PPM1G: variants seen among roughly 807,000 people sequenced by gnomAD.
PPM1G encodes protein phosphatase 1G.
PPM1G carries 12 observed loss-of-function variants against 59.4 expected under a neutral mutation model. The ratio of observed to expected loss-of-function variants is 0.20; its 90% confidence interval spans 0.13 to 0.33. The LOEUF (loss-of-function observed/expected upper bound fraction) is 0.33, where lower values mean the gene tolerates loss of function less well. Ranked by LOEUF, PPM1G falls within the 10% of genes least tolerant of loss-of-function variation. The pLI, the probability that PPM1G is intolerant of heterozygous loss-of-function variation, is 1.00. For synonymous variants in PPM1G, 245 were observed against 251.9 expected (o/e 0.97, Z 0.26); for missense variants, 392 against 681.3 (o/e 0.58, Z 4.73).
chr2:27,384,188 G>A lies in PPM1G; in HGVS notation c.826-96C>T. 1 of 1,564,806 alleles carries A rather than the reference G, an allele frequency of 6.4e-7. No individual in the cohort carries two copies. ...ATCAAGAGGTCCTGACTGAACACAG[G>A]TCCTCAAAACACTGAAAGATACAAG... On this transcript the variant is annotated intron_variant, in intron 5 of 9. Transcript: ENST00000344034. The surrounding 1 kb of genome is among the most constrained non-coding windows in gnomAD (Gnocchi z 4.8).
intron 1 of PPM1G, among the ~76,000 whole-genome samples, chr2:27,408,256 A>C (rs144367232): frequency 6.6e-6 from 1 of 152,342 alleles, no homozygotes; most frequent in African/African-American, 2.4e-5. Flanking sequence ...CAAGGGAGAC[A>C]GTATTTCGCT....
intron 1 of PPM1G, among the ~76,000 whole-genome samples, chr2:27,401,118 T>C (rs1418297227): frequency 6.6e-6 from 1 of 152,212 alleles, no homozygotes; most frequent in African/African-American, 2.4e-5. Flanking sequence ...AAATAAAACC[T>C]GCAAGGCACT....
In PPM1G at chr2:27,382,675, C is replaced by T. The variant is rs1054259981; in HGVS notation, c.1202-70G>A. ...AGACTTGTGTTTGTGGCAGGTCAAA[C>T]CTTGCCATTCATTTCCCTTCTTTAC... On this transcript the variant is annotated intron_variant, in intron 7 of 9. Transcript: ENST00000344034. The surrounding 1 kb of genome is among the most constrained non-coding windows in gnomAD (Gnocchi z 4.2). 8 of 1,566,932 alleles carry T rather than the reference C, an allele frequency of 5.1e-6. No homozygotes were observed. In the African/African-American group the frequency reaches 1.1e-4, roughly 21 times the overall value.
At chr2:27,392,998 T>G in intron 1 of PPM1G, 1 of 1,522,118 alleles carries the variant, frequency 6.6e-7, no homozygotes, top group Non-Finnish European at 9.0e-7. Context: ...CAGTAGTGAC[T>G]GATTCACATT....
rs201729067 is a variant in PPM1G, at chr2:27,385,904, G to A, written c.277-25C>T. 5.0e-6 allele frequency: 8 copies of A among 1,603,592 alleles called. No individual in the cohort carries two copies. Among genetic ancestry groups the A allele is most frequent in the Non-Finnish European group, 6.8e-6 (8 of 1,177,140 alleles). ...CCTGAATATAAGCAAAATAGTCTAA[G>A]ACTAGTACAAAATGAACTCCCTATA... On this transcript the variant is annotated intron_variant, in intron 3 of 9. Coordinates refer to ENST00000344034, the MANE Select transcript of PPM1G (RefSeq NM_177983.3). This position sits in a 1 kb window ranked among gnomAD's most constrained non-coding sequence, Gnocchi z 4.1.
At position 27,383,700 on chromosome 2, in the gene PPM1G, C is replaced by G. The variant is rs754049951; in HGVS notation, c.967-100G>C. 1.5e-5 allele frequency: 19 copies of G among 1,272,470 alleles called. No homozygotes were observed. Among genetic ancestry groups the G allele is most frequent in the Non-Finnish European group, 2.1e-5 (19 of 922,568 alleles). 78.8% of individuals were successfully genotyped at this position (1,272,470 alleles called of 1,614,324 possible). A position where few individuals can be genotyped will look rare whatever the true frequency, so the allele number is the denominator to read the frequency against. On this transcript the variant is annotated intron_variant, in intron 6 of 9. Transcript: ENST00000344034. This position sits in a 1 kb window ranked among gnomAD's most constrained non-coding sequence, Gnocchi z 5.0. ...CCTATGCTTGCTTTCACTGGGACCCCCAAAAGAGCTTTAACAAACAGGAGA... is the reference window on the plus strand; with the variant it reads ...CCTATGCTTGCTTTCACTGGGACCCGCAAAAGAGCTTTAACAAACAGGAGA...
In PPM1G at chr2:27,384,985, G is replaced by A; in HGVS notation, c.513C>T (p.Ser171=). The A allele has an allele frequency of 6.2e-7, 1 of 1,614,196 alleles. No homozygotes were observed. The highest frequency in any genetic ancestry group is 1.7e-5 in the Admixed American group (1 of 60,022). Residue 171 remains serine, a synonymous_variant, in exon 5 of 10, where the codon AGC becomes AGT. Coordinates refer to ENST00000344034, the MANE Select transcript of PPM1G (RefSeq NM_177983.3). This position sits in a 1 kb window ranked among gnomAD's most constrained non-coding sequence, Gnocchi z 4.8. The stretch of plus-strand genomic sequence containing the variant: ...CCTCGCCTGTCCCACCTCCAGATTT[G>A]CTGTGGGGAGGGCCCTTGTGACAGT... The part of the protein sequence containing the change: ...GQNCHKGPPH[S]KSGGGTGEEP...
rs982767330 is a variant in PPM1G, at chr2:27,382,877, G to A, written c.1202-272C>T. ...TTTCACTCTTGTAGCCCAGGCTGGA[G>A]TGTAATGGCACGATCTCGGCTCACT... is the stretch of plus-strand genomic sequence containing the variant. On this transcript the variant is annotated intron_variant, in intron 7 of 9. Transcript: ENST00000344034. This position sits in a 1 kb window ranked among gnomAD's most constrained non-coding sequence, Gnocchi z 4.2. Among the ~76,000 whole-genome samples the A allele has an allele frequency of 2.0e-5, 3 of 150,692 alleles. No homozygotes were observed. Among genetic ancestry groups the A allele is most frequent in the Admixed American group, 1.3e-4 (2 of 15,124 alleles).
chr2:27,391,093 CACAT>C (rs1683889349), intron 1 of PPM1G, among the ~76,000 whole-genome samples: 1 of 152,186 alleles, frequency 6.6e-6, no homozygotes, highest in African/African-American at 2.4e-5. Flanking sequence ...CACTGATGGG[CACAT>C]GAGTTGATTC....
At chr2:27,390,477 C>T (rs1009992576) in intron 1 of PPM1G, among the ~76,000 whole-genome samples, 2 of 152,086 alleles carry the variant, frequency 1.3e-5, no homozygotes, top group Non-Finnish European at 2.9e-5. Context: ...GTAATCTCAA[C>T]ATTTTGGGAG....
At chr2:27,394,655 C>T (rs1378032692) in intron 1 of PPM1G, among the ~76,000 whole-genome samples, 2 of 150,566 alleles carry the variant, frequency 1.3e-5, no homozygotes, top group African/African-American at 4.9e-5. Context: ...CACTTGAACC[C>T]GGGAGGCGGA....
chr2:27,405,768 A>G (rs7566052), intron 1 of PPM1G, among the ~76,000 whole-genome samples: 71,266 of 151,468 alleles, frequency 0.47, 18,449 homozygotes, highest in African/African-American at 0.69. Context: ...TTTGGGAGGC[A>G]GAGGCGGGCC....
intron 1 of PPM1G, among the ~76,000 whole-genome samples, chr2:27,392,143 G>C (rs368810667): frequency 7.9e-5 from 12 of 151,700 alleles, no homozygotes; most frequent in African/African-American, 2.7e-4. Context: ...TCTGTAAATG[G>C]AATCTTAACT....
intron 1 of PPM1G, among the ~76,000 whole-genome samples, chr2:27,392,124 G>C (rs950992901): frequency 6.6e-6 from 1 of 151,300 alleles, no homozygotes. Flanking sequence ...TTCCCCTACA[G>C]GTCTTATTTC....
chr2:27,397,325 C>G (rs918885233), intron 1 of PPM1G, among the ~76,000 whole-genome samples: 1 of 152,136 alleles, frequency 6.6e-6, no homozygotes, highest in Admixed American at 6.6e-5. Flanking sequence ...GAAGACAACA[C>G]TTCCCAATTC....
intron 1 of PPM1G, among the ~76,000 whole-genome samples, chr2:27,405,480 A>G (rs1466431764): frequency 1.3e-5 from 2 of 151,804 alleles, no homozygotes; most frequent in African/African-American, 4.8e-5. Flanking sequence ...TTTGAGACGG[A>G]GTCTGTCACC....
At chr2:27,392,236 CCTT>C (rs1683920901) in intron 1 of PPM1G, among the ~76,000 whole-genome samples, 1 of 150,990 alleles carries the variant, frequency 6.6e-6, no homozygotes, top group South Asian at 2.1e-4. Context: ...TGCATGCAGT[CCTT>C]CATCATGTTG....
chr2:27,390,313 A>G (rs538017687), intron 1 of PPM1G, among the ~76,000 whole-genome samples: 1 of 152,298 alleles, frequency 6.6e-6, no homozygotes, highest in Non-Finnish European at 1.5e-5. Context: ...AGCCATTGCA[A>G]CTGGCCAAAC....
In PPM1G at chr2:27,409,542, C is replaced by G. The variant is rs1298147574; in HGVS notation, c.-120G>C. On this transcript the variant is annotated 5_prime_UTR_variant, in exon 1 of 10. Transcript: ENST00000344034. Reference sequence around the variant, plus strand: ...CCGCGGCGCGACCGACGCAAGGTGCCGGTGAAAGGCGCGAGGCCGGCCAGG... The same window carrying G: ...CCGCGGCGCGACCGACGCAAGGTGCGGGTGAAAGGCGCGAGGCCGGCCAGG... 37 of 1,259,360 alleles carry G rather than the reference C, an allele frequency of 2.9e-5. No homozygotes were observed. Among genetic ancestry groups the G allele is most frequent in the South Asian group, 4.2e-5 (2 of 47,864 alleles). 78.0% of individuals were successfully genotyped at this position (1,259,360 alleles called of 1,614,324 possible).
Sources: gnomAD v4.1 joint callset for allele counts (sites outside exome capture counted in the v4.1 genomes callset) on GRCh38, gnomAD v4.1.1 for gene constraint, Gnocchi (gnomAD v3.1) non-coding constraint, MANE v1.5 for transcripts, NCBI Gene and HGNC (gene_info 2026-07-23, HGNC 2026-07-21) for gene names.